FIBCD1: variants seen among roughly 807,000 people sequenced by gnomAD.
FIBCD1 encodes the protein fibrinogen C domain containing 1, also known as fibrinogen C domain-containing protein 1.
FIBCD1 carries 47 observed loss-of-function variants against 45.1 expected under a neutral mutation model. The ratio of observed to expected loss-of-function variants is 1.04; its 90% CI spans 0.82 to 1.33. The LOEUF is 1.33. Ranked by LOEUF, FIBCD1 falls within the 40% of genes most tolerant of loss-of-function variation. The pLI, the probability that FIBCD1 is intolerant of heterozygous loss-of-function variation, is 0.00. For synonymous variants in FIBCD1, 313 were observed against 308.1 expected, an observed-to-expected ratio of 1.02 and a Z score of -0.17; for missense variants, 653 against 682.2, an observed-to-expected ratio of 0.96 and a Z score of 0.48.
chr9:130,916,975 T>G (rs6597654), intron 4 of FIBCD1, among the ~76,000 whole-genome samples: 138,342 of 152,180 alleles, frequency 0.91, 63,084 homozygotes, highest in African/African-American at 0.98. Context: ...GCAGGCGCCT[T>G]TAATCCCAGC....
chr9:130,930,704 C>T (rs1029429075), intron 1 of FIBCD1: 1 of 453,418 alleles, frequency 2.2e-6, no homozygotes, highest in Non-Finnish European at 4.4e-6. Flanking sequence ...ACCTCTGCAG[C>T]CAGACGGGAC....
At chr9:130,918,455 G>T (rs527353423) in intron 4 of FIBCD1, among the ~76,000 whole-genome samples, 161 of 152,308 alleles carry the variant, frequency 1.1e-3, no homozygotes, top group African/African-American at 3.4e-3. Context: ...CAGCAACTGC[G>T]GTTTTTCCTA....
At chr9:130,917,250 C>T (rs956654267) in intron 4 of FIBCD1, among the ~76,000 whole-genome samples, 5 of 152,232 alleles carry the variant, frequency 3.3e-5, no homozygotes, top group African/African-American at 7.2e-5. Flanking sequence ...AAACACTCGC[C>T]GCAGCCGCAG....
At chr9:130,915,963 T>TA (rs1300281707) in intron 4 of FIBCD1, among the ~76,000 whole-genome samples, 1 of 152,100 alleles carries the variant, frequency 6.6e-6, no homozygotes, top group Non-Finnish European at 1.5e-5. Flanking sequence ...CACAGAGTGT[T>TA]ACTCTGTCAC....
chr9:130,931,257 G>T (rs995254742), intron 1 of FIBCD1, among the ~76,000 whole-genome samples: 1 of 152,170 alleles, frequency 6.6e-6, no homozygotes, highest in Admixed American at 6.5e-5. Context: ...ACGCCTGTAA[G>T]CCCAGCACTT....
Position 130,910,790 on chromosome 9 carries a change from A to T in FIBCD1, c.946+1002T>A, listed in dbSNP as rs543068095. Among the ~76,000 whole-genome samples, 13 of 139,838 alleles carry T rather than the reference A, an allele frequency of 9.3e-5. No individual in the cohort carries two copies. In the South Asian group the frequency reaches 2.6e-3, roughly 28 times the overall value. 91.7% of individuals were successfully genotyped at this position (139,838 alleles called of 152,430 possible). A position where few individuals can be genotyped will look rare whatever the true frequency, so the allele number is the denominator to read the frequency against. ...GAGAACCTTTATGTCTAGCTCAGGG[A>T]TTGTAAACACACCAATCAGCACCCT... On this transcript the variant is annotated intron_variant, in intron 5 of 6. Transcript: ENST00000372338.
chr9:130,911,334 A>G (rs548067262), intron 5 of FIBCD1, among the ~76,000 whole-genome samples: 3 of 152,344 alleles, frequency 2.0e-5, no homozygotes, highest in East Asian at 1.9e-4. Flanking sequence ...CAGTGAGACC[A>G]AGAACCCACC....
At chr9:130,913,320 TGTGTCA>T in intron 4 of FIBCD1, among the ~76,000 whole-genome samples, 1 of 150,932 alleles carries the variant, frequency 6.6e-6, no homozygotes, top group Middle Eastern at 3.4e-3. Flanking sequence ...GGCCTCCATC[TGTGTCA>T]GAGTCTGATG....
At chr9:130,931,528 A>G (rs933579169) in intron 1 of FIBCD1, among the ~76,000 whole-genome samples, 2 of 152,162 alleles carry the variant, frequency 1.3e-5, no homozygotes, top group Non-Finnish European at 2.9e-5. Flanking sequence ...AAAACAAAAA[A>G]CAAAAAACAA....
intron 4 of FIBCD1, among the ~76,000 whole-genome samples, chr9:130,919,582 C>T (rs1238190671): frequency 6.6e-6 from 1 of 152,226 alleles, no homozygotes; most frequent in East Asian, 1.9e-4. Context: ...TGACGTTCTC[C>T]ATGTGAGGGC....
chr9:130,914,284 C>T (rs554319796), intron 4 of FIBCD1, among the ~76,000 whole-genome samples: 1 of 152,360 alleles, frequency 6.6e-6, no homozygotes, highest in African/African-American at 2.4e-5. Flanking sequence ...CCGAGCATCT[C>T]CTGCCAGGCA....
At chr9:130,912,165 G>A (rs1381963234) in intron 4 of FIBCD1, among the ~76,000 whole-genome samples, 1 of 152,096 alleles carries the variant, frequency 6.6e-6, no homozygotes, top group African/African-American at 2.4e-5. Context: ...GGCCGGGCAT[G>A]GTGGCTCATG....
chr9:130,924,314 C>T lies in FIBCD1; in HGVS notation c.635G>A (p.Gly212Glu), dbSNP rs1247083134. The change falls in exon 3 of 7, where the codon GGG becomes GAG. Residue 212 changes from glycine to glutamate, a missense_variant. Gly to Glu is a moderately conservative substitution (Grantham distance 98). Coordinates refer to ENST00000372338, the MANE Select transcript of FIBCD1 (RefSeq NM_032843.5). ...GGCCTTGTTGCGGGGCCGGCCCAGCCCCCGGTCCCTCTGCAGGGCATCCAG... is the reference window on the plus strand; with the variant it reads ...GGCCTTGTTGCGGGGCCGGCCCAGCTCCCGGTCCCTCTGCAGGGCATCCAG... ...DILDALQRDR[G>E]LGRPRNKADL... 3 of 1,606,250 alleles carry T rather than the reference C, an allele frequency of 1.9e-6. No individual in the cohort carries two copies. Among genetic ancestry groups the T allele is most frequent in the Middle Eastern group, 1.7e-4 (1 of 6,038 alleles).
chr9:130,905,794 G>C (rs1278554201), intron 5 of FIBCD1, among the ~76,000 whole-genome samples: 1 of 152,118 alleles, frequency 6.6e-6, no homozygotes, highest in Non-Finnish European at 1.5e-5. Flanking sequence ...CTGGCCTCTG[G>C]GCCTTTGCAC....
In FIBCD1 at chr9:130,903,691, C is replaced by T. The variant is rs1831873527; in HGVS notation, c.*373G>A. ...TGCTGTCTGCCCCCTGCTCTCTGTC[C>T]CCATAATGCCGGGTATTTGGCCGGG... On this transcript the variant is annotated 3_prime_UTR_variant, in exon 7 of 7. Coordinates refer to ENST00000372338, the MANE Select transcript of FIBCD1 (RefSeq NM_032843.5). 2.6e-6 allele frequency: 1 copy of T among 386,072 alleles called. No individual in the cohort carries two copies. Among genetic ancestry groups the T allele is most frequent in the African/African-American group, 2.1e-5 (1 of 48,284 alleles). 23.9% of individuals were successfully genotyped at this position (386,072 alleles called of 1,614,324 possible).
chr9:130,938,555 C>T lies in FIBCD1; in HGVS notation c.53G>A (p.Arg18Gln). Reference sequence around the variant, plus strand: ...GCGTACCTGCGGCTTGTCGCGCGGCCGGTCCTCAAGTTGGGCAGCGCCGCC... The same window carrying T: ...GCGTACCTGCGGCTTGTCGCGCGGCTGGTCCTCAAGTTGGGCAGCGCCGCC... ...TMGGAAQLED[R>Q]PRDKPQRPSC... Residue 18 changes from arginine to glutamine, a missense_variant, in exon 1 of 7, where the codon CGG becomes CAG. Transcript: ENST00000372338. 2 of 1,490,622 alleles carry T rather than the reference C, an allele frequency of 1.3e-6. No individual in the cohort carries two copies. Among genetic ancestry groups the T allele is most frequent in the Non-Finnish European group, 1.8e-6 (2 of 1,125,780 alleles). 92.3% of individuals were successfully genotyped at this position (1,490,622 alleles called of 1,614,324 possible).
chr9:130,916,069 C>T (rs1832155146), intron 4 of FIBCD1, among the ~76,000 whole-genome samples: 1 of 152,192 alleles, frequency 6.6e-6, no homozygotes, highest in Non-Finnish European at 1.5e-5. Flanking sequence ...GCTGGGATTA[C>T]AGGCACCTGC....
Position 130,905,326 on chromosome 9 carries a change from G to C in FIBCD1, c.1034C>G (p.Ala345Gly), listed in dbSNP as rs1335559501. ...LEDFENGTAYARYGSFGVGLF... is the reference protein window; with the variant it reads ...LEDFENGTAYGRYGSFGVGLF... ...GCCCACGCCGAAGCTCCCGTAGCGG[G>C]CATAGGCCGTGCCATTCTCAAAGTC... Residue 345 changes from alanine to glycine, a missense_variant, in exon 6 of 7, where the codon GCC (alanine) becomes GGC (glycine). Transcript: ENST00000372338. 7 of 1,613,834 alleles carry C rather than the reference G, an allele frequency of 4.3e-6. No homozygotes were observed. The highest frequency in any genetic ancestry group is 1.3e-5 in the African/African-American group (1 of 74,936).
At chr9:130,911,229 G>A (rs183756186) in intron 5 of FIBCD1, among the ~76,000 whole-genome samples, 111 of 152,184 alleles carry the variant, frequency 7.3e-4, no homozygotes, top group Admixed American at 4.9e-3. Flanking sequence ...AAGAAACTCC[G>A]AACATATCCG....
Sources: allele counts gnomAD v4.1 joint callset (sites outside exome capture counted in the v4.1 genomes callset), GRCh38; gene constraint gnomAD v4.1.1; transcripts MANE v1.5; gene names NCBI Gene and HGNC (gene_info 2026-07-23, HGNC 2026-07-21).